The following PCDHA11 variants were observed in gnomAD, a reference collection of about 807,000 sequenced individuals.
PCDHA11 encodes protocadherin alpha 11, also known as protocadherin alpha-11.
PCDHA11 carries 61 observed loss-of-function variants against 70.3 expected under a neutral mutation model. The ratio of observed to expected loss-of-function variants is 0.87; its 90% CI spans 0.71 to 1.07. The LOEUF is 1.07. Among genes scored for constraint, PCDHA11 ranks in the 50% least tolerant of loss-of-function variants. The pLI, the probability that PCDHA11 is intolerant of heterozygous loss-of-function variation, is 0.00. For synonymous variants in PCDHA11, 633 were observed against 555.1 expected (o/e 1.14, Z -1.97); for missense variants, 1,324 against 1,237.5 (o/e 1.07, Z -1.05).
At chr5:140,897,762 A>G (rs572488219) in intron 1 of PCDHA11, among the ~76,000 whole-genome samples, 1 of 152,324 alleles carries the variant, frequency 6.6e-6, no homozygotes, top group East Asian at 1.9e-4. Flanking sequence ...AGGAATCGCC[A>G]CACTGACTTC....
intron 3 of PCDHA11, among the ~76,000 whole-genome samples, chr5:140,987,825 G>A (rs1181525478): frequency 1.3e-5 from 2 of 151,894 alleles, no homozygotes; most frequent in Admixed American, 1.3e-4. Flanking sequence ...GTTTCCTTAG[G>A]GGATTGCTTT....
At chr5:140,967,189 C>T (rs1554229286) in intron 1 of PCDHA11, 2 of 1,613,522 alleles carry the variant, frequency 1.2e-6, no homozygotes, top group Admixed American at 1.7e-5. Flanking sequence ...TATTGGACAT[C>T]AACGACAACT....
Position 140,928,140 on chromosome 5 carries a change from G to GGCC in PCDHA11, c.2392-50808_2392-50806dup. 3 of 1,614,154 alleles carry GGCC rather than the reference G, an allele frequency of 1.9e-6. No homozygotes were observed. The South Asian group carries it at 3.3e-5, about 18-fold the overall frequency. On this transcript the variant is annotated intron_variant, in intron 1 of 3. Transcript: ENST00000398640. ...TCAGTGAATACCAAGTCCTGATCAC[G>GGCC]GCCTCAGATAGTGGCTCACCCCCAC...
chr5:140,925,641 TATAATAATA>T (rs10569930), intron 1 of PCDHA11, among the ~76,000 whole-genome samples: 3,728 of 143,338 alleles, frequency 0.026, 107 homozygotes, highest in African/African-American at 0.059. Context: ...GAACTTAAAG[TATAATAATA>T]ATAATAATAA....
intron 2 of PCDHA11, among the ~76,000 whole-genome samples, chr5:140,979,721 C>T (rs2153819868): frequency 6.6e-6 from 1 of 152,290 alleles, no homozygotes; most frequent in East Asian, 1.9e-4. Context: ...GTATCCATGC[C>T]ATGGGGCCAA....
intron 1 of PCDHA11, among the ~76,000 whole-genome samples, chr5:140,943,763 G>T (rs2093562574): frequency 6.6e-6 from 1 of 152,122 alleles, no homozygotes; most frequent in Admixed American, 6.5e-5. Context: ...GGAGATGTAG[G>T]AAAAAAACTA....
intron 1 of PCDHA11, chr5:140,926,614 C>G: frequency 2.6e-6 from 1 of 377,760 alleles, no homozygotes; most frequent in Non-Finnish European, 4.6e-6. Flanking sequence ...TCTCTGCACC[C>G]CTAGGCGGCG....
intron 1 of PCDHA11, among the ~76,000 whole-genome samples, chr5:140,910,282 T>C (rs557559116): frequency 1.3e-5 from 2 of 152,300 alleles, no homozygotes; most frequent in East Asian, 1.9e-4. Context: ...AGGAACACCA[T>C]GATTAATCAA....
intron 1 of PCDHA11, among the ~76,000 whole-genome samples, chr5:140,878,983 AGAAAT>A (rs2153364854): frequency 6.6e-6 from 1 of 152,352 alleles, no homozygotes; most frequent in Non-Finnish European, 1.5e-5. Flanking sequence ...CCTCTATCTT[AGAAAT>A]GAGAGTATGC....
rs560256618 is a variant in PCDHA11 at position 140,999,889 on chromosome 5, C to T, written c.2540-9738C>T. Among the ~76,000 whole-genome samples the T allele has an allele frequency of 2.0e-5, 3 of 152,292 alleles. No homozygotes were observed. In the East Asian group the frequency reaches 5.8e-4, roughly 29 times the overall value. ...TTACTGAAAATTAGCCCAGCTGTAG[C>T]TTGGGACACCAAACAGCCAAAAAAT... On this transcript the variant is annotated intron_variant, in intron 3 of 3. Coordinates refer to ENST00000398640, the MANE Select transcript of PCDHA11 (RefSeq NM_018902.5).
intron 1 of PCDHA11, chr5:140,882,507 A>G: frequency 6.2e-7 from 1 of 1,614,182 alleles, no homozygotes; most frequent in Non-Finnish European, 8.5e-7. Flanking sequence ...GTAAATCTGC[A>G]GAATGGCATT....
intron 1 of PCDHA11, among the ~76,000 whole-genome samples, chr5:140,922,269 T>C (rs782114145): frequency 1.3e-5 from 2 of 152,214 alleles, no homozygotes; most frequent in Non-Finnish European, 2.9e-5. Context: ...GCCATGAAGA[T>C]TGGACCAAGA....
chr5:140,953,131 C>T (rs1554220819), intron 1 of PCDHA11, among the ~76,000 whole-genome samples: 1 of 152,158 alleles, frequency 6.6e-6, no homozygotes, highest in African/African-American at 2.4e-5. Context: ...TAAACCGTAT[C>T]ACTGTTATAT....
Position 141,010,188 on chromosome 5 carries a change from T to A in PCDHA11, c.*251T>A. ...CAGAACCTAAAAAGCAGACCCAAGT[T>A]TCCTTTCTCCTCCGCCGCAAAGGAG... is the stretch of plus-strand genomic sequence containing the variant. On this transcript the variant is annotated 3_prime_UTR_variant, in exon 4 of 4. Coordinates refer to ENST00000398640, the MANE Select transcript of PCDHA11 (RefSeq NM_018902.5). 6.4e-7 allele frequency: 1 copy of A among 1,553,070 alleles called. No individual in the cohort carries two copies. The highest frequency in any genetic ancestry group is 1.2e-5 in the South Asian group (1 of 84,340).
At chr5:140,908,455 AT>A (rs367827339) in intron 1 of PCDHA11, among the ~76,000 whole-genome samples, 51 of 152,296 alleles carry the variant, frequency 3.3e-4, no homozygotes, top group African/African-American at 9.9e-4. Flanking sequence ...GGCTAGATGG[AT>A]CAGAAAGCAC....
chr5:140,993,463 CACACA>C (rs1563592057), intron 3 of PCDHA11, among the ~76,000 whole-genome samples: 16 of 7,580 alleles, frequency 2.1e-3, no homozygotes, highest in African/African-American at 9.9e-3. Flanking sequence ...CTTTCTTTCT[CACACA>C]CACACACACA....
At chr5:140,906,982 G>A (rs1298159889) in intron 1 of PCDHA11, among the ~76,000 whole-genome samples, 3 of 152,140 alleles carry the variant, frequency 2.0e-5, no homozygotes, top group African/African-American at 7.2e-5. Flanking sequence ...TCTTCTGGTG[G>A]CAGCATTCCT....
chr5:140,892,144 G>T (rs549500463), intron 1 of PCDHA11, among the ~76,000 whole-genome samples: 1 of 152,102 alleles, frequency 6.6e-6, no homozygotes, highest in Non-Finnish European at 1.5e-5. Context: ...TGGTTTTAGC[G>T]TCTATTTCTG....
rs1261636098 is a variant in PCDHA11, at chr5:140,968,913, C to G, written c.2392-10036C>G. 6.8e-6 allele frequency: 11 copies of G among 1,614,036 alleles called. No homozygotes were observed. Among genetic ancestry groups the G allele is most frequent in the Non-Finnish European group, 8.5e-6 (10 of 1,180,044 alleles). On this transcript the variant is annotated intron_variant, in intron 1 of 3. Transcript: ENST00000398640. ...CTAATAATAGCATTAAGCACAGTGT[C>G]TTTTATATTTCTTTTGACAATCATC...
Sources: allele counts gnomAD v4.1 joint callset (sites outside exome capture counted in the v4.1 genomes callset), GRCh38; gene constraint gnomAD v4.1.1; transcripts MANE v1.5; gene names NCBI Gene and HGNC (gene_info 2026-07-23, HGNC 2026-07-21).